RAB38: variants seen among roughly 807,000 people sequenced by gnomAD.
The protein encoded by RAB38 is RAB38, member RAS oncogene family, also known as ras-related protein Rab-38.
A neutral mutation model predicts 18.4 loss-of-function variants in RAB38; 15 were observed. That is an observed-to-expected ratio of 0.82 (90% CI 0.55 to 1.26). The LOEUF (loss-of-function observed/expected upper bound fraction) is 1.26, where lower values mean the gene tolerates loss of function less well. Among genes scored for constraint, RAB38 ranks in the 50% most tolerant of loss-of-function variants. The pLI is 0.00. For synonymous variants in RAB38, 101 were observed against 104.4 expected, an observed-to-expected ratio of 0.97 and a Z score of 0.20; for missense variants, 294 against 267.4, an observed-to-expected ratio of 1.10 and a Z score of -0.69.
the RAB38 span, among the ~76,000 whole-genome samples, chr11:87,888,998 C>A: frequency 1.3e-5 from 2 of 151,892 alleles, no homozygotes. Flanking sequence ...CTAATTAGTG[C>A]TCATGTGACT....
chr11:87,886,175 C>T, the RAB38 span, among the ~76,000 whole-genome samples: 2 of 151,962 alleles, frequency 1.3e-5, no homozygotes, highest in Non-Finnish European at 1.5e-5. Context: ...TCCACACTCG[C>T]GGTGGCCCTC....
chr11:87,812,975 T>C, the RAB38 span, among the ~76,000 whole-genome samples: 146,970 of 152,234 alleles, frequency 0.97, 70,962 homozygotes, highest in East Asian at 1. Flanking sequence ...CGAGAATGAA[T>C]AGTGTTATTT....
the RAB38 span, among the ~76,000 whole-genome samples, chr11:87,955,009 AG>A: frequency 6.6e-6 from 1 of 152,188 alleles, no homozygotes; most frequent in Admixed American, 6.5e-5. Flanking sequence ...TTTGGTGAAA[AG>A]ATTGTTGTTG....
the RAB38 span, among the ~76,000 whole-genome samples, chr11:88,028,516 A>G: frequency 6.6e-6 from 1 of 152,192 alleles, no homozygotes; most frequent in Admixed American, 6.5e-5. Context: ...AGCATAACCA[A>G]TACAGAGAAG....
chr11:88,070,058 C>T, the RAB38 span, among the ~76,000 whole-genome samples: 12 of 152,160 alleles, frequency 7.9e-5, no homozygotes, highest in Non-Finnish European at 1.5e-4. Flanking sequence ...TGCTCTGGGT[C>T]CCCTTCCACA....
At chr11:87,873,949 T>TAC in the RAB38 span, among the ~76,000 whole-genome samples, 3 of 138,072 alleles carry the variant, frequency 2.2e-5, no homozygotes, top group Non-Finnish European at 3.1e-5. Flanking sequence ...TATATATATA[T>TAC]ACTCTGCATA....
chr11:87,905,858 T>G, the RAB38 span, among the ~76,000 whole-genome samples: 1 of 151,980 alleles, frequency 6.6e-6, no homozygotes, highest in Admixed American at 6.6e-5. Flanking sequence ...GTACTCTGAC[T>G]GCAAATTAGA....
the RAB38 span, among the ~76,000 whole-genome samples, chr11:88,086,423 C>G: frequency 2.6e-5 from 4 of 151,896 alleles, no homozygotes; most frequent in Non-Finnish European, 5.9e-5. Flanking sequence ...ACTTTCTCCT[C>G]TGTCCCTAGA....
At chr11:88,129,232 A>G (rs1340948151) in intron 2 of RAB38, among the ~76,000 whole-genome samples, 1 of 152,220 alleles carries the variant, frequency 6.6e-6, no homozygotes, top group East Asian at 1.9e-4. Flanking sequence ...CAAGATAAGG[A>G]AAGTAGAGTT....
chr11:88,166,582 T>A (rs1591179382), intron 1 of RAB38: 1 of 152,152 alleles, frequency 6.6e-6, no homozygotes, highest in African/African-American at 2.4e-5. Context: ...TCTGTAAAAT[T>A]ACCTTTCACG....
chr11:87,873,829 TTTTC>T, the RAB38 span, among the ~76,000 whole-genome samples: 4 of 150,226 alleles, frequency 2.7e-5, no homozygotes, highest in Non-Finnish European at 4.4e-5. Flanking sequence ...ATATGTTTAC[TTTTC>T]TTTCTTATTG....
chr11:87,934,639 G>A, the RAB38 span, among the ~76,000 whole-genome samples: 1 of 152,064 alleles, frequency 6.6e-6, no homozygotes, highest in African/African-American at 2.4e-5. Context: ...GAAGCTTTCA[G>A]TCTGTACATC....
the RAB38 span, among the ~76,000 whole-genome samples, chr11:88,075,302 A>C: frequency 6.6e-6 from 1 of 152,222 alleles, no homozygotes; most frequent in African/African-American, 2.4e-5. Context: ...AGGCCACAAC[A>C]CAAGTCTCAA....
chr11:87,880,717 G>A, the RAB38 span, among the ~76,000 whole-genome samples: 1 of 151,670 alleles, frequency 6.6e-6, no homozygotes, highest in East Asian at 2.0e-4. Context: ...CAAGATAATA[G>A]TTCAAAAGAA....
the RAB38 span, among the ~76,000 whole-genome samples, chr11:88,087,656 G>T: frequency 6.6e-6 from 1 of 151,908 alleles, no homozygotes; most frequent in Non-Finnish European, 1.5e-5. Flanking sequence ...ACATTAAGGG[G>T]TATGTCAATG....
chr11:87,844,666 C>T, the RAB38 span, among the ~76,000 whole-genome samples: 2 of 152,174 alleles, frequency 1.3e-5, no homozygotes, highest in African/African-American at 4.8e-5. Flanking sequence ...TGTCAATGAG[C>T]CTGCTACAAC....
chr11:88,065,291 G>A, the RAB38 span, among the ~76,000 whole-genome samples: 1 of 152,192 alleles, frequency 6.6e-6, no homozygotes, highest in African/African-American at 2.4e-5. Context: ...TGATCATTCA[G>A]TACAGGAGAA....
chr11:87,811,324 G>T, the RAB38 span, among the ~76,000 whole-genome samples: 1 of 152,190 alleles, frequency 6.6e-6, no homozygotes, highest in Non-Finnish European at 1.5e-5. Context: ...GGATCATCAA[G>T]AGAGTGTCTC....
At chr11:88,098,828 G>T in the RAB38 span, 1 of 151,798 alleles carries the variant, frequency 6.6e-6, no homozygotes, top group African/African-American at 2.4e-5. Context: ...TATACTTGTG[G>T]TATCTCCTCC....
Sources: gnomAD v4.1 joint callset for allele counts (sites outside exome capture counted in the v4.1 genomes callset) on GRCh38, gnomAD v4.1.1 for gene constraint, MANE v1.5 for transcripts, NCBI Gene and HGNC (gene_info 2026-07-23, HGNC 2026-07-21) for gene names.